The following STPG2 variants were observed in gnomAD, a reference collection of about 807,000 sequenced individuals.
The protein encoded by STPG2 is sperm tail PG-rich repeat containing 2.
Under a neutral mutation model 54.2 loss-of-function variants are expected in STPG2, and 56 were observed. That is an observed-to-expected ratio of 1.03 (90% confidence interval 0.83 to 1.29). STPG2 has a LOEUF of 1.29. STPG2 is among the 50% of genes most tolerant of loss of function. The probability of loss-of-function intolerance (pLI) is 0.00; values close to 1 mark genes in which losing one functional copy is unlikely to be tolerated. For synonymous variants in STPG2, 200 were observed against 181.8 expected (o/e 1.10, Z -0.81); for missense variants, 596 against 544.9 (o/e 1.09, Z -0.93).
intron 5 of STPG2, among the ~76,000 whole-genome samples, chr4:98,044,131 T>C (rs982028179): frequency 6.6e-6 from 1 of 152,182 alleles, no homozygotes; most frequent in Admixed American, 6.6e-5. Context: ...TTTACATATA[T>C]TTGTTATGTA....
chr4:97,542,324 T>G (rs1731732393), intron 4 of STPG2, among the ~76,000 whole-genome samples: 2 of 152,306 alleles, frequency 1.3e-5, no homozygotes, highest in South Asian at 4.1e-4. Context: ...GTACAGAGAC[T>G]TCTCAAAAGA....
chr4:97,507,906 T>C (rs1350522174), intron 4 of STPG2, among the ~76,000 whole-genome samples: 1 of 152,008 alleles, frequency 6.6e-6, no homozygotes, highest in Non-Finnish European at 1.5e-5. Context: ...ATTGGGGTTG[T>C]ATTACATAGG....
At chr4:97,750,033 G>A (rs146553262) in intron 9 of STPG2, among the ~76,000 whole-genome samples, 3 of 151,798 alleles carry the variant, frequency 2.0e-5, no homozygotes, top group African/African-American at 4.8e-5. Context: ...CCAAAACCAT[G>A]CATATAATAC....
chr4:97,502,685 T>A (rs1489972776), intron 4 of STPG2, among the ~76,000 whole-genome samples: 2 of 150,860 alleles, frequency 1.3e-5, no homozygotes, highest in Non-Finnish European at 3.0e-5. Context: ...GAGCAATCCA[T>A]CTAGAAAAAA....
intron 4 of STPG2, among the ~76,000 whole-genome samples, chr4:97,508,599 A>T (rs2148838735): frequency 6.6e-6 from 1 of 152,248 alleles, no homozygotes; most frequent in African/African-American, 2.4e-5. Context: ...ATTAATTATT[A>T]ATTCAGTATT....
intron 10 of STPG2, among the ~76,000 whole-genome samples, chr4:97,660,004 C>CTTTTTTTTT (rs1274412068): frequency 7.1e-6 from 1 of 140,966 alleles, no homozygotes. Context: ...ATCTTTCTTT[C>CTTTTTTTTT]TTTTTTTTTT....
At chr4:97,859,999 T>C (rs1729465723) in intron 8 of STPG2, among the ~76,000 whole-genome samples, 2 of 152,238 alleles carry the variant, frequency 1.3e-5, no homozygotes, top group Admixed American at 1.3e-4. Context: ...TTCTCCATTC[T>C]ACGTTCTTGT....
intron 9 of STPG2, among the ~76,000 whole-genome samples, chr4:97,833,187 A>G (rs1728522486): frequency 1.3e-5 from 2 of 152,210 alleles, no homozygotes; most frequent in Admixed American, 1.3e-4. Context: ...AACAGAACAG[A>G]GGCCTCAGAA....
chr4:97,996,536 CA>C (rs1450390267), intron 5 of STPG2, among the ~76,000 whole-genome samples: 1 of 117,520 alleles, frequency 8.5e-6, no homozygotes, highest in Non-Finnish European at 1.9e-5. Flanking sequence ...CCCTTTTGGA[CA>C]TAGGACTTGG....
intron 4 of STPG2, among the ~76,000 whole-genome samples, chr4:97,518,072 T>A (rs1220155067): frequency 6.6e-6 from 1 of 152,118 alleles, no homozygotes; most frequent in Non-Finnish European, 1.5e-5. Flanking sequence ...TGGTCTGCCA[T>A]TAGTAGCTTT....
intron 5 of STPG2, among the ~76,000 whole-genome samples, chr4:98,048,065 T>G (rs1408723908): frequency 1.3e-5 from 2 of 150,776 alleles, no homozygotes; most frequent in Non-Finnish European, 3.0e-5. Context: ...CCAACCCTAC[T>G]GACTCAGATG....
intron 10 of STPG2, among the ~76,000 whole-genome samples, chr4:97,603,854 T>C (rs1026959051): frequency 3.3e-5 from 5 of 151,620 alleles, no homozygotes; most frequent in Non-Finnish European, 7.4e-5. Flanking sequence ...GGTGAGTTGC[T>C]TAATGGATAT....
At chr4:97,631,641 A>C (rs896840828) in intron 10 of STPG2, among the ~76,000 whole-genome samples, 2 of 152,070 alleles carry the variant, frequency 1.3e-5, no homozygotes, top group African/African-American at 4.8e-5. Context: ...GAAGACACCT[A>C]AAGCAAAATT....
intron 5 of STPG2, among the ~76,000 whole-genome samples, chr4:98,080,734 C>T (rs1270008692): frequency 6.6e-6 from 1 of 152,130 alleles, no homozygotes; most frequent in Non-Finnish European, 1.5e-5. Flanking sequence ...ATAGTCTAGC[C>T]TTTAAGCCAT....
chr4:97,892,676 C>T (rs573777757), intron 8 of STPG2, among the ~76,000 whole-genome samples: 5 of 152,172 alleles, frequency 3.3e-5, no homozygotes, highest in Non-Finnish European at 7.4e-5. Flanking sequence ...GCTAATGATA[C>T]CTGTGATGTG....
chr4:97,909,643 A>G (rs942411649), intron 8 of STPG2, among the ~76,000 whole-genome samples: 5 of 152,202 alleles, frequency 3.3e-5, no homozygotes, highest in Non-Finnish European at 7.3e-5. Flanking sequence ...GCAAAAATAA[A>G]TTTGCATTTA....
At chr4:97,858,228 A>G (rs1478780212) in intron 8 of STPG2, among the ~76,000 whole-genome samples, 2 of 152,098 alleles carry the variant, frequency 1.3e-5, no homozygotes, top group Non-Finnish European at 2.9e-5. Context: ...ACTACAAACA[A>G]GACTACCTCA....
intron 10 of STPG2, among the ~76,000 whole-genome samples, chr4:97,590,666 CACACACAG>C (rs911695418): frequency 5.3e-5 from 8 of 151,158 alleles, no homozygotes; most frequent in South Asian, 4.2e-4. Flanking sequence ...CACACACACA[CACACACAG>C]AGAGAAACAT....
chr4:97,641,184 A>T (rs1721755282), intron 10 of STPG2, among the ~76,000 whole-genome samples: 1 of 151,698 alleles, frequency 6.6e-6, no homozygotes. Flanking sequence ...GCAAGAGGCA[A>T]AACTTCTCTT....
Sources: gnomAD v4.1 joint callset for allele counts (sites outside exome capture counted in the v4.1 genomes callset) on GRCh38, gnomAD v4.1.1 for gene constraint, MANE v1.5 for transcripts, NCBI Gene and HGNC (gene_info 2026-07-23, HGNC 2026-07-21) for gene names.